AP1G1: variants seen among roughly 807,000 people sequenced by gnomAD.
The protein encoded by AP1G1 is AP-1 complex subunit gamma-1.
In AP1G1, 7 loss-of-function variants were observed where a neutral mutation model predicts 108.3. The observed-to-expected ratio is 0.06, with a 90% confidence interval of 0.04 to 0.12. The LOEUF (loss-of-function observed/expected upper bound fraction) is 0.12. Among genes scored for constraint, AP1G1 ranks in the 10% least tolerant of loss-of-function variants. AP1G1 has a pLI of 1.00. For missense variants in AP1G1, 756 were observed against 1,010.7 expected (o/e 0.75, Z 3.42); for synonymous variants, 379 against 353.5 (o/e 1.07, Z -0.81).
intron 17 of AP1G1, 71 bp from the exon 18 acceptor site, chr16:71,745,685 AC>A: frequency 7.6e-7 from 1 of 1,317,212 alleles, no homozygotes. Flanking sequence ...ATCACCATTA[AC>A]TATGTTGAGC....
At chr16:71,772,786 G>A (rs574595302) in intron 4 of AP1G1, among the ~76,000 whole-genome samples, 47 of 152,134 alleles carry the variant, frequency 3.1e-4, no homozygotes, top group Non-Finnish European at 6.5e-4. Flanking sequence ...TCAGATAGAA[G>A]AATAATTCTC....
chr16:71,778,829 C>A (rs1057249195), intron 2 of AP1G1, among the ~76,000 whole-genome samples: 2 of 152,116 alleles, frequency 1.3e-5, no homozygotes, highest in African/African-American at 2.4e-5. Flanking sequence ...GCAGCAATCT[C>A]CAAATCTCCA....
intron 6 of AP1G1, among the ~76,000 whole-genome samples, chr16:71,767,532 C>T (rs914162637): frequency 6.6e-6 from 1 of 152,164 alleles, no homozygotes; most frequent in Non-Finnish European, 1.5e-5. Context: ...AAAGCAGCAG[C>T]ATTTTGTGTC....
intron 2 of AP1G1, chr16:71,777,891 C>G (rs536726611): frequency 8.5e-6 from 2 of 234,706 alleles, no homozygotes; most frequent in South Asian, 9.7e-5. Context: ...ACAGAGGGGC[C>G]CTGGACAGTG....
intron 12 of AP1G1, 88 bp downstream of exon 12, chr16:71,755,931 A>G: frequency 6.9e-7 from 1 of 1,442,238 alleles, no homozygotes; most frequent in Non-Finnish European, 9.4e-7. Context: ...GGCGTGTGCC[A>G]CCGCGCCCAG....
intron 2 of AP1G1, among the ~76,000 whole-genome samples, chr16:71,776,384 A>G (rs1476867468): frequency 6.6e-6 from 1 of 152,252 alleles, no homozygotes; most frequent in African/African-American, 2.4e-5. Context: ...TTATGTAAGT[A>G]ACAAATCTTC....
rs2031553530 is a variant in AP1G1 at position 71,771,141 on chromosome 16, T to C, written c.565+15A>G. ...TCTCCCTCAATACTTCATGAATACA[T>C]CCAAATTACATTACCATGGTTCTTC... On this transcript the variant is annotated intron_variant, in intron 5 of 22. Transcript: ENST00000299980. The C allele has an allele frequency of 2.0e-6, 3 of 1,503,434 alleles. No individual in the cohort carries two copies. The highest frequency in any genetic ancestry group is 2.3e-5 in the South Asian group (2 of 88,158). The allele number at this position is 1,503,434 out of a possible 1,614,324, so 93.1% of individuals were successfully genotyped here.
intron 11 of AP1G1, among the ~76,000 whole-genome samples, chr16:71,756,880 T>G (rs1172091919): frequency 2.1e-5 from 3 of 145,336 alleles, no homozygotes; most frequent in African/African-American, 5.2e-5. Flanking sequence ...AGACAGAGAT[T>G]GCAGTGAAGT....
At chr16:71,795,008 TA>T (rs2032537540) in intron 1 of AP1G1, among the ~76,000 whole-genome samples, 1 of 151,924 alleles carries the variant, frequency 6.6e-6, no homozygotes, top group African/African-American at 2.4e-5. Flanking sequence ...AAAATATCTT[TA>T]AAAAAATTGA....
At chr16:71,807,831 T>C (rs2033046069) in intron 1 of AP1G1, 2 of 1,289,396 alleles carry the variant, frequency 1.6e-6, no homozygotes, top group South Asian at 1.2e-5. Flanking sequence ...CATGGACAGA[T>C]TTCCGTGCTC....
Position 71,736,211 on chromosome 16 carries a change from T to A in AP1G1, c.2269-1504A>T, listed in dbSNP as rs1007650204. Reference sequence around the variant, plus strand: ...GCTAAAGTATTATTCATTACTACCATATTTCATTAAATGTAAGATACCAAT... The same window carrying A: ...GCTAAAGTATTATTCATTACTACCAAATTTCATTAAATGTAAGATACCAAT... On this transcript the variant is annotated intron_variant, in intron 21 of 22. Transcript: ENST00000299980. Among the ~76,000 whole-genome samples, 16 of 147,870 alleles carry A rather than the reference T, an allele frequency of 1.1e-4. No homozygotes were observed. In the East Asian group the frequency reaches 3.0e-3, roughly 27 times the overall value.
intron 2 of AP1G1, among the ~76,000 whole-genome samples, chr16:71,784,356 T>C (rs965625839): frequency 6.6e-6 from 1 of 152,154 alleles, no homozygotes; most frequent in Non-Finnish European, 1.5e-5. Flanking sequence ...TGCTCTTCCA[T>C]CTTGGCAATA....
rs778701059 is a variant in AP1G1, at chr16:71,808,805, G to A, written c.-46C>T. ...TGAAACCAGCAGCTCCGGGGGCGGC[G>A]GCAGCAGTGGCAGCAGGAACCGAAC... On this transcript the variant is annotated 5_prime_UTR_variant, in exon 1 of 23. Transcript: ENST00000299980. 46 of 1,289,590 alleles carry A rather than the reference G, an allele frequency of 3.6e-5. No homozygotes were observed. The highest frequency in any genetic ancestry group is 3.0e-4 in the African/African-American group (20 of 65,868). 79.9% of individuals were successfully genotyped at this position (1,289,590 alleles called of 1,614,324 possible).
At chr16:71,787,364 T>C (rs2032242683) in intron 2 of AP1G1, among the ~76,000 whole-genome samples, 1 of 148,278 alleles carries the variant, frequency 6.7e-6, no homozygotes, top group Non-Finnish European at 1.5e-5. Context: ...TGTGGTGCCA[T>C]GCACCTGCAG....
At position 71,781,381 on chromosome 16, in the gene AP1G1, T is replaced by C. The variant is rs75131374; in HGVS notation, c.202-6789A>G. ...TCAAAATACATAAAAATCACGTAAC[T>C]GTCACTGACACACCAAGCAGCTTTA... On this transcript the variant is annotated intron_variant, in intron 2 of 22. Coordinates refer to ENST00000299980, the MANE Select transcript of AP1G1 (RefSeq NM_001128.6). 4.3e-3 allele frequency among the ~76,000 whole-genome samples: 662 copies of C among 152,324 alleles called. 11 individuals carry two copies. The highest frequency in any genetic ancestry group is 0.015 in the African/African-American group (641 of 41,572).
Position 71,764,005 on chromosome 16 carries a change from C to G in AP1G1, c.918+345G>C, listed in dbSNP as rs149483984. 5.1e-3 allele frequency among the ~76,000 whole-genome samples: 782 copies of G among 152,230 alleles called. 4 individuals carry two copies. The highest frequency in any genetic ancestry group is 7.0e-3 in the Non-Finnish European group (479 of 67,990). On this transcript the variant is annotated intron_variant, in intron 9 of 22. Transcript: ENST00000299980. ...GGATATTTACATAGTCTCAAAATAT[C>G]TGCCAAAATATTTTTAATTACAAAA...
chr16:71,762,246 T>C (rs750134685), intron 9 of AP1G1, among the ~76,000 whole-genome samples: 10 of 152,096 alleles, frequency 6.6e-5, no homozygotes, highest in Non-Finnish European at 1.5e-4. Flanking sequence ...TGAAATAAGA[T>C]AATCTGCTTT....
At chr16:71,791,673 C>CAA (rs59552791) in intron 1 of AP1G1, among the ~76,000 whole-genome samples, 5 of 90,278 alleles carry the variant, frequency 5.5e-5, no homozygotes, top group African/African-American at 8.5e-5. Context: ...GACCCTGTCT[C>CAA]AAAAAAAAAA....
At chr16:71,754,554 T>C (rs1331258374) in intron 12 of AP1G1, among the ~76,000 whole-genome samples, 3 of 152,192 alleles carry the variant, frequency 2.0e-5, no homozygotes, top group African/African-American at 7.2e-5. Context: ...CCCAGTACTT[T>C]GGGACGCCAA....
Sources: allele counts gnomAD v4.1 joint callset (sites outside exome capture counted in the v4.1 genomes callset), GRCh38; gene constraint gnomAD v4.1.1; transcripts MANE v1.5; gene names NCBI Gene and HGNC (gene_info 2026-07-23, HGNC 2026-07-21).